Variants in BRF1 observed in about 807,000 individuals in gnomAD.
The protein encoded by BRF1 is transcription factor IIIB 90 kDa subunit.
In BRF1, 59 loss-of-function variants were observed where a neutral mutation model predicts 81.7. That is an observed-to-expected ratio of 0.72 (90% confidence interval 0.59 to 0.90). The LOEUF (loss-of-function observed/expected upper bound fraction) is 0.90, where lower values mean the gene tolerates loss of function less well. BRF1 is among the 40% of genes least tolerant of loss of function. BRF1 has a pLI of 0.00. For synonymous variants in BRF1, 491 were observed against 395.6 expected, an observed-to-expected ratio of 1.24 and a Z score of -2.86; for missense variants, 1,050 against 936.3, an observed-to-expected ratio of 1.12 and a Z score of -1.58.
intron 4 of BRF1, 73 bp downstream of exon 4, chr14:105,256,445 C>CGGTCACAACCCT: frequency 6.2e-7 from 1 of 1,613,802 alleles, no homozygotes; most frequent in Non-Finnish European, 8.5e-7. Flanking sequence ...GGGTACACCC[C>CGGTCACAACCCT]GGTCACAACC....
intron 5 of BRF1, among the ~76,000 whole-genome samples, chr14:105,245,300 G>T (rs906138610): frequency 2.0e-5 from 3 of 152,152 alleles, no homozygotes; most frequent in Non-Finnish European, 4.4e-5. Context: ...GGTGGAGGTT[G>T]CAGTGAGCTG....
chr14:105,281,077 C>T (rs573667020), intron 2 of BRF1, among the ~76,000 whole-genome samples: 1 of 117,980 alleles, frequency 8.5e-6, no homozygotes, highest in African/African-American at 3.3e-5. Flanking sequence ...TGTGCGGATA[C>T]AGCCTGCGTG....
chr14:105,266,784 C>T (rs2056436452), intron 3 of BRF1, among the ~76,000 whole-genome samples: 1 of 152,102 alleles, frequency 6.6e-6, no homozygotes, highest in Admixed American at 6.6e-5. Context: ...GGGTTCACAC[C>T]TAGAATCCCA....
intron 5 of BRF1, chr14:105,248,617 C>T (rs2055327235): frequency 5.1e-6 from 5 of 975,758 alleles, no homozygotes; most frequent in Middle Eastern, 5.2e-4. Context: ...CGGGCCTGGC[C>T]GGGCTGCGCT....
chr14:105,294,653 G>A (rs1184110010), intron 1 of BRF1, among the ~76,000 whole-genome samples: 1 of 152,142 alleles, frequency 6.6e-6, no homozygotes, highest in African/African-American at 2.4e-5. Context: ...ACTCAATGAA[G>A]CCCAAGCCAG....
At chr14:105,314,898 G>T in intron 1 of BRF1, 1 of 978,868 alleles carries the variant, frequency 1.0e-6, no homozygotes, top group South Asian at 4.6e-5. Flanking sequence ...AGGCCGCCGA[G>T]GGAGCGGCGG....
At chr14:105,272,266 G>A (rs970558264) in intron 3 of BRF1, among the ~76,000 whole-genome samples, 2 of 152,042 alleles carry the variant, frequency 1.3e-5, no homozygotes, top group Admixed American at 6.6e-5. Flanking sequence ...GCTGAGGGTC[G>A]GCGGCCTCCC....
chr14:105,315,183 G>C lies in BRF1; in HGVS notation c.-162+139C>G, dbSNP rs906016463. ...GCCCCCGCCCGCCGGTTCGACGCGT[G>C]CAGCCGCCGCCCCCCCGCAGCTCCG... On this transcript the variant is annotated intron_variant, in intron 1 of 17. Coordinates refer to the BRF1 transcript ENST00000327359. This position sits in a 1 kb window ranked among gnomAD's most constrained non-coding sequence, Gnocchi z 4.4. 3.1e-5 allele frequency: 10 copies of C among 320,818 alleles called. No homozygotes were observed. Among genetic ancestry groups the C allele is most frequent in the African/African-American group, 2.0e-4 (9 of 44,870 alleles). The allele number at this position is 320,818 out of a possible 1,614,324, so 19.9% of individuals were successfully genotyped here.
At chr14:105,218,415 TC>T in intron 14 of BRF1, among the ~76,000 whole-genome samples, 1 of 152,100 alleles carries the variant, frequency 6.6e-6, no homozygotes, top group East Asian at 1.9e-4. Context: ...GACCACAAGC[TC>T]CCCGGGTCCT....
chr14:105,249,004 C>T lies in BRF1; in HGVS notation c.544+3503G>A, dbSNP rs1036159064. 2.0e-4 allele frequency: 213 copies of T among 1,048,578 alleles called. No homozygotes were observed. The highest frequency in any genetic ancestry group is 2.2e-4 in the Non-Finnish European group (196 of 872,774). 65.0% of individuals were successfully genotyped at this position (1,048,578 alleles called of 1,614,324 possible). A position where few individuals can be genotyped will look rare whatever the true frequency, so the allele number is the denominator to read the frequency against. On this transcript the variant is annotated intron_variant, in intron 5 of 17. Transcript: ENST00000547530. ...GCCCCCGCGCCAGCGCCGCCGCCGC[C>T]CGCGCCCGCGCCGCCCACACTCGGC...
At chr14:105,218,660 C>G (rs1891728200) in intron 14 of BRF1, among the ~76,000 whole-genome samples, 1 of 152,236 alleles carries the variant, frequency 6.6e-6, no homozygotes, top group Non-Finnish European at 1.5e-5. Context: ...GTCGGACTTT[C>G]CCAGGGCGTC....
At position 105,300,555 on chromosome 14, in the gene BRF1, G is replaced by GCA; in HGVS notation, c.73_74dup (p.Thr26AlafsTer51). The GCA allele has an allele frequency of 6.6e-7, 1 of 1,505,452 alleles. No homozygotes were observed. Among genetic ancestry groups the GCA allele is most frequent in the Non-Finnish European group, 8.8e-7 (1 of 1,130,840 alleles). The allele number at this position is 1,505,452 out of a possible 1,614,324, so 93.3% of individuals were successfully genotyped here. ...CCTCCAGCACTGAGCCGCAGGCGGT[G>GCA]CACACCGCGTCCCCGCGCGCCGCGT... On this transcript the variant is annotated frameshift_variant, in exon 1 of 18. Transcript: ENST00000547530. LOFTEE classifies it high-confidence loss of function.
At chr14:105,241,022 A>C (rs966268554) in intron 6 of BRF1, among the ~76,000 whole-genome samples, 1 of 152,200 alleles carries the variant, frequency 6.6e-6, no homozygotes, top group Non-Finnish European at 1.5e-5. Flanking sequence ...ACCTGGGGTC[A>C]AGGCCGCTCT....
intron 5 of BRF1, chr14:105,247,565 ATTCAC>A: frequency 1.0e-6 from 1 of 985,316 alleles, no homozygotes; most frequent in Non-Finnish European, 1.2e-6. Flanking sequence ...CCCAGGGAAC[ATTCAC>A]TACAACTGTA....
chr14:105,224,929 T>A (rs4983592), intron 10 of BRF1, among the ~76,000 whole-genome samples: 14,967 of 152,300 alleles, frequency 0.098, 836 homozygotes, highest in Admixed American at 0.15. Flanking sequence ...GGGGTCCCCA[T>A]GGTGAGGAAT....
upstream of BRF1, chr14:105,315,543 C>T (rs2058561339): frequency 6.6e-6 from 1 of 152,276 alleles, no homozygotes; most frequent in African/African-American, 2.4e-5. This position sits in a 1 kb window ranked among gnomAD's most constrained non-coding sequence, Gnocchi z 4.4. Context: ...GCGGGGTCGT[C>T]CTCGCGGGTA....
At chr14:105,216,655 G>C (rs1206395770) in intron 15 of BRF1, among the ~76,000 whole-genome samples, 1 of 152,232 alleles carries the variant, frequency 6.6e-6, no homozygotes, top group Non-Finnish European at 1.5e-5. Context: ...CAGCCTAGCA[G>C]CTCAAAAGGC....
At chr14:105,280,942 TGCGTGACCCTGAGCCCAGGTGTGTGGAC>T (rs2057060850) in intron 2 of BRF1, among the ~76,000 whole-genome samples, 1 of 142,522 alleles carries the variant, frequency 7.0e-6, no homozygotes, top group African/African-American at 2.7e-5. Flanking sequence ...GGACAGAGCC[TGCGTGACCCTGAGCCCAGGTGTGTGGAC>T]AGAGCCTGCG....
At chr14:105,312,498 C>T (rs371348153) in intron 1 of BRF1, among the ~76,000 whole-genome samples, 7 of 152,314 alleles carry the variant, frequency 4.6e-5, no homozygotes, top group African/African-American at 1.7e-4. Context: ...TGTCTCAAAC[C>T]AAGTTCCTGC....
Sources: allele counts gnomAD v4.1 joint callset (sites outside exome capture counted in the v4.1 genomes callset), GRCh38; gene constraint gnomAD v4.1.1; non-coding constraint Gnocchi (gnomAD v3.1); transcripts MANE v1.5; gene names NCBI Gene and HGNC (gene_info 2026-07-23, HGNC 2026-07-21).